The following SLIT2 variants were observed in gnomAD, a reference collection of about 807,000 sequenced individuals.
The protein encoded by SLIT2 is slit homolog 2 protein.
A neutral mutation model predicts 185.7 loss-of-function variants in SLIT2; 41 were observed. The ratio of observed to expected loss-of-function variants is 0.22; its 90% CI spans 0.17 to 0.29. The LOEUF is 0.29. Ranked by LOEUF, SLIT2 falls within the 10% of genes least tolerant of loss-of-function variation. The pLI is 1.00. For synonymous variants in SLIT2, 693 were observed against 680.2 expected (o/e 1.02, Z -0.29); for missense variants, 1,571 against 1,909.0 (o/e 0.82, Z 3.30).
At chr4:20,480,053 A>G (rs147234060) in intron 5 of SLIT2, among the ~76,000 whole-genome samples, 174 of 152,312 alleles carry the variant, frequency 1.1e-3, no homozygotes, top group African/African-American at 4.0e-3. Flanking sequence ...AGTATGCTGT[A>G]TTTACAATGC....
At chr4:20,273,316 A>C (rs1419515146) in intron 4 of SLIT2, among the ~76,000 whole-genome samples, 3 of 152,082 alleles carry the variant, frequency 2.0e-5, no homozygotes, top group African/African-American at 7.2e-5. Context: ...AGATATAGCC[A>C]TTATTATACT....
At chr4:20,557,270 T>C (rs1176330356) in intron 26 of SLIT2, among the ~76,000 whole-genome samples, 2 of 152,078 alleles carry the variant, frequency 1.3e-5, no homozygotes, top group Non-Finnish European at 2.9e-5. Context: ...AGATGTCATC[T>C]AGGATTTTCA....
intron 20 of SLIT2, among the ~76,000 whole-genome samples, chr4:20,542,246 T>C (rs996305406): frequency 1.1e-4 from 16 of 152,336 alleles, no homozygotes; most frequent in African/African-American, 3.6e-4. Flanking sequence ...CTATTTTCCA[T>C]TGTATTGGTA....
At position 20,346,006 on chromosome 4, in the gene SLIT2, G is replaced by C. The variant is rs185397969; in HGVS notation, c.395+77125G>C. Among the ~76,000 whole-genome samples the C allele has an allele frequency of 2.8e-3, 417 of 150,938 alleles. 6 individuals carry two copies. The highest frequency in any genetic ancestry group is 9.7e-3 in the African/African-American group (397 of 41,114). The stretch of plus-strand genomic sequence containing the variant: ...ACTATTTATTTTTGTTGTTGTTGTT[G>C]TTTTGGAGACAGAGTCTTTCTCTGC... On this transcript the variant is annotated intron_variant, in intron 4 of 36. Transcript: ENST00000504154.
At chr4:20,338,378 G>C (rs1720682160) in intron 4 of SLIT2, among the ~76,000 whole-genome samples, 1 of 152,172 alleles carries the variant, frequency 6.6e-6, no homozygotes, top group South Asian at 2.1e-4. Context: ...ATTGAATTAA[G>C]CTGGTGAGAC....
chr4:20,554,056 T>C, intron 26 of SLIT2, 88 bp downstream of exon 26: 2 of 1,060,446 alleles, frequency 1.9e-6, no homozygotes, highest in Non-Finnish European at 2.7e-6. Context: ...TCCAAAGGTA[T>C]GGTTGAAATG....
At chr4:20,538,751 A>G (rs1415664432) in intron 18 of SLIT2, among the ~76,000 whole-genome samples, 1 of 151,622 alleles carries the variant, frequency 6.6e-6, no homozygotes, top group Non-Finnish European at 1.5e-5. Context: ...AGGAAATGAC[A>G]ATAGTGTTAA....
chr4:20,281,466 A>C (rs1469638573), intron 4 of SLIT2, among the ~76,000 whole-genome samples: 1 of 152,134 alleles, frequency 6.6e-6, no homozygotes, highest in Admixed American at 6.5e-5. Context: ...CATTTTCCTG[A>C]CTTTTTGAGG....
At chr4:20,333,204 G>GA (rs971909572) in intron 4 of SLIT2, among the ~76,000 whole-genome samples, 22 of 152,094 alleles carry the variant, frequency 1.4e-4, no homozygotes, top group African/African-American at 5.3e-4. Flanking sequence ...TCTTCTGGGG[G>GA]AAAAAAATTC....
chr4:20,427,873 C>G (rs934184281), intron 4 of SLIT2, among the ~76,000 whole-genome samples: 1 of 152,078 alleles, frequency 6.6e-6, no homozygotes, highest in Admixed American at 6.6e-5. Flanking sequence ...TTTTACCATG[C>G]CTCTCTTCAT....
intron 26 of SLIT2, chr4:20,554,329 T>G (rs1478947258): frequency 2.2e-6 from 1 of 462,438 alleles, no homozygotes; most frequent in Non-Finnish European, 4.3e-6. Flanking sequence ...CCCTGTGGCT[T>G]CCTCATACCA....
intron 4 of SLIT2, among the ~76,000 whole-genome samples, chr4:20,347,726 A>G (rs1721542954): frequency 6.6e-6 from 1 of 152,272 alleles, no homozygotes; most frequent in Admixed American, 6.5e-5. Flanking sequence ...TGAGAAGGCG[A>G]GAGAGCAGTG....
chr4:20,507,922 C>G (rs1274873203), intron 9 of SLIT2, among the ~76,000 whole-genome samples: 2 of 151,904 alleles, frequency 1.3e-5, no homozygotes, highest in East Asian at 1.9e-4. Flanking sequence ...CTCGTATTCT[C>G]TGTATTTTTA....
chr4:20,372,446 T>C (rs1723670153), intron 4 of SLIT2, among the ~76,000 whole-genome samples: 1 of 152,158 alleles, frequency 6.6e-6, no homozygotes, highest in Non-Finnish European at 1.5e-5. Context: ...ATAAAACCTG[T>C]TTTCTGACTT....
chr4:20,377,272 T>C (rs969988240), intron 4 of SLIT2, among the ~76,000 whole-genome samples: 1 of 152,172 alleles, frequency 6.6e-6, no homozygotes, highest in African/African-American at 2.4e-5. Context: ...TGTATATGAA[T>C]GTATTATATT....
intron 4 of SLIT2, among the ~76,000 whole-genome samples, chr4:20,449,094 TTAAA>T (rs1198278967): frequency 2.6e-5 from 4 of 152,108 alleles, no homozygotes; most frequent in East Asian, 3.8e-4. Context: ...TTCAATATTA[TTAAA>T]TAAATAATTA....
Position 20,550,906 on chromosome 4 carries a change from C to T in SLIT2, c.2561+8C>T. ...TTCTGCATTATCACATCTGTGAGTACCTAGTTTATGAATATAGGTTTAGGG... is the reference window on the plus strand; with the variant it reads ...TTCTGCATTATCACATCTGTGAGTATCTAGTTTATGAATATAGGTTTAGGG... On this transcript the variant is annotated splice_region_variant and intron_variant, in intron 25 of 36. Transcript: ENST00000504154. 1 of 1,545,208 alleles carries T rather than the reference C, an allele frequency of 6.5e-7. No individual in the cohort carries two copies. The highest frequency in any genetic ancestry group is 8.9e-7 in the Non-Finnish European group (1 of 1,118,956).
intron 4 of SLIT2, among the ~76,000 whole-genome samples, chr4:20,304,686 T>G (rs1717370294): frequency 6.6e-6 from 1 of 151,918 alleles, no homozygotes; most frequent in Admixed American, 6.6e-5. Context: ...TGAAGGAAAA[T>G]GGAGATGCAG....
At position 20,390,779 on chromosome 4, in the gene SLIT2, A is replaced by ATAT. The variant is rs71181562; in HGVS notation, c.396-76973_396-76972insTAT. ...ATCTTATTTTTTTTTTTTAAAAAAA[A>ATAT]ATATATATATACTAAGACAATTAGA... On this transcript the variant is annotated intron_variant, in intron 4 of 36. Coordinates refer to ENST00000504154, the MANE Select transcript of SLIT2 (RefSeq NM_004787.4). Among the ~76,000 whole-genome samples the ATAT allele has an allele frequency of 1.0e-3, 142 of 142,652 alleles. 1 individual carries two copies. The highest frequency in any genetic ancestry group is 3.0e-3 in the Admixed American group (42 of 14,008). The allele number at this position is 142,652 out of a possible 152,430, so 93.6% of individuals were successfully genotyped here. A position where few individuals can be genotyped will look rare whatever the true frequency, so the allele number is the denominator to read the frequency against.
Sources: gnomAD v4.1 joint callset for allele counts (sites outside exome capture counted in the v4.1 genomes callset) on GRCh38, gnomAD v4.1.1 for gene constraint, MANE v1.5 for transcripts, NCBI Gene and HGNC (gene_info 2026-07-23, HGNC 2026-07-21) for gene names.